The following GRK3 variants were observed in gnomAD, a reference collection of about 807,000 sequenced individuals.
GRK3 encodes G protein-coupled receptor kinase 3.
Under a neutral mutation model 95.7 loss-of-function variants are expected in GRK3, and 54 were observed. The ratio of observed to expected loss-of-function variants is 0.56; its 90% confidence interval spans 0.45 to 0.71. The LOEUF is 0.71. Among genes scored for constraint, GRK3 ranks in the 30% least tolerant of loss-of-function variants. The pLI is 0.00. For synonymous variants in GRK3, 281 were observed against 290.8 expected (o/e 0.97, Z 0.34); for missense variants, 649 against 851.2 (o/e 0.76, Z 2.96).
intron 1 of GRK3, among the ~76,000 whole-genome samples, chr22:25,571,646 G>A (rs1471458235): frequency 6.6e-6 from 1 of 152,174 alleles, no homozygotes. Flanking sequence ...TGCAAGTGCT[G>A]TGGTGCCATG....
intron 1 of GRK3, among the ~76,000 whole-genome samples, chr22:25,603,306 G>T (rs891400156): frequency 1.3e-5 from 2 of 151,810 alleles, no homozygotes; most frequent in Admixed American, 6.6e-5. Flanking sequence ...CTAAATTATT[G>T]TTCACTCCCA....
chr22:25,688,735 A>G (rs1006960506), intron 11 of GRK3, among the ~76,000 whole-genome samples: 18 of 152,224 alleles, frequency 1.2e-4, no homozygotes, highest in African/African-American at 4.3e-4. Context: ...AGGAGGTAGA[A>G]GCTGGCTCAG....
intron 12 of GRK3, among the ~76,000 whole-genome samples, chr22:25,693,904 G>T (rs1242776382): frequency 6.8e-6 from 1 of 147,522 alleles, no homozygotes; most frequent in Non-Finnish European, 1.5e-5. Flanking sequence ...TGATTCTCCT[G>T]CCTCAGCCTC....
At chr22:25,654,948 G>A (rs1377481725) in intron 3 of GRK3, among the ~76,000 whole-genome samples, 1 of 152,102 alleles carries the variant, frequency 6.6e-6, no homozygotes, top group African/African-American at 2.4e-5. Flanking sequence ...AACCTGCTCT[G>A]TATTCTTTGG....
chr22:25,630,410 CAGTT>C (rs1052140086), intron 2 of GRK3, among the ~76,000 whole-genome samples: 3 of 152,040 alleles, frequency 2.0e-5, no homozygotes, highest in Admixed American at 6.6e-5. Context: ...TTTTAACTGT[CAGTT>C]TGTTTACTGT....
intron 1 of GRK3, among the ~76,000 whole-genome samples, chr22:25,568,248 A>G (rs1931562575): frequency 6.6e-6 from 1 of 152,214 alleles, no homozygotes; most frequent in Admixed American, 6.5e-5. Context: ...ACAAAGGGTC[A>G]TCATCTTAAG....
Position 25,693,771 on chromosome 22 carries a change from A to T in GRK3, c.1053-1336A>T, listed in dbSNP as rs1479143096. On this transcript the variant is annotated intron_variant, in intron 12 of 20. Coordinates refer to ENST00000324198, the MANE Select transcript of GRK3 (RefSeq NM_005160.4). ...GTTGCTGAGCATAAGCAAGTTAAAA[A>T]TTCTTTTTTTTTTTTTTTTTTTTTT... 4.5e-4 allele frequency among the ~76,000 whole-genome samples: 61 copies of T among 135,928 alleles called. 1 individual carries two copies. Among genetic ancestry groups the T allele is most frequent in the Admixed American group, 3.9e-3 (55 of 13,992 alleles). The allele number at this position is 135,928 out of a possible 152,430, so 89.2% of individuals were successfully genotyped here. A position where few individuals can be genotyped will look rare whatever the true frequency, so the allele number is the denominator to read the frequency against.
intron 10 of GRK3, among the ~76,000 whole-genome samples, chr22:25,686,417 G>C (rs886686390): frequency 6.6e-6 from 1 of 152,112 alleles, no homozygotes; most frequent in African/African-American, 2.4e-5. Context: ...GTGGGGCTTG[G>C]GGGTAAGGTC....
intron 1 of GRK3, among the ~76,000 whole-genome samples, chr22:25,579,941 T>G (rs1932042957): frequency 6.6e-6 from 1 of 152,190 alleles, no homozygotes; most frequent in African/African-American, 2.4e-5. Flanking sequence ...GATGGAGAGA[T>G]CAGACTATCA....
chr22:25,676,318 T>C (rs948965865), intron 8 of GRK3, among the ~76,000 whole-genome samples: 1 of 152,250 alleles, frequency 6.6e-6, no homozygotes, highest in Non-Finnish European at 1.5e-5. Flanking sequence ...ACTTGTTGCT[T>C]GGCACCGTTC....
At chr22:25,678,718 C>A (rs1185492219) in intron 8 of GRK3, 98 bp from the exon 9 acceptor site, 4 of 613,896 alleles carry the variant, frequency 6.5e-6, no homozygotes, top group Admixed American at 6.4e-5. Context: ...TTAAACATGG[C>A]CTAAATGTTC....
chr22:25,580,679 G>A (rs112100212), intron 1 of GRK3: 4,510 of 152,210 alleles, frequency 0.03, 119 homozygotes, highest in Middle Eastern at 0.068. Flanking sequence ...GATTACAGGC[G>A]ACTGCCACCA....
chr22:25,569,718 C>T (rs1481787156), intron 1 of GRK3, among the ~76,000 whole-genome samples: 1 of 152,166 alleles, frequency 6.6e-6, no homozygotes, highest in East Asian at 1.9e-4. Context: ...CCCTAGGGTC[C>T]CTGGAGCCCT....
In GRK3 at chr22:25,565,023, C is replaced by T; in HGVS notation, c.-18C>T. 7.2e-7 allele frequency: 1 copy of T among 1,396,384 alleles called. No individual in the cohort carries two copies. The highest frequency in any genetic ancestry group is 9.5e-7 in the Non-Finnish European group (1 of 1,047,974). The allele number at this position is 1,396,384 out of a possible 1,614,324, so 86.5% of individuals were successfully genotyped here. ...AGGTCCGGAGTAACCGCCGCCGCCG[C>T]CGCCAAAGCTCGCCAACATGGCGGA... On this transcript the variant is annotated 5_prime_UTR_variant, in exon 1 of 21. Transcript: ENST00000324198.
chr22:25,686,822 G>A (rs2085118392), intron 10 of GRK3, among the ~76,000 whole-genome samples: 1 of 152,156 alleles, frequency 6.6e-6, no homozygotes, highest in Non-Finnish European at 1.5e-5. Flanking sequence ...TGTATGATCA[G>A]TTTGTTGTTG....
chr22:25,669,978 A>G (rs1359203137), intron 6 of GRK3, among the ~76,000 whole-genome samples: 1 of 152,244 alleles, frequency 6.6e-6, no homozygotes, highest in Non-Finnish European at 1.5e-5. Context: ...TGCATGCACC[A>G]TACTTTTAAA....
chr22:25,696,644 G>A (rs1429744611), intron 13 of GRK3, among the ~76,000 whole-genome samples: 3 of 151,996 alleles, frequency 2.0e-5, no homozygotes, highest in East Asian at 3.9e-4. Context: ...CCTTTCCATC[G>A]GAGAGCCTAA....
intron 6 of GRK3, 85 bp from the exon 7 acceptor site, chr22:25,672,211 C>T (rs570592605): frequency 2.9e-4 from 190 of 652,764 alleles, no homozygotes; most frequent in African/African-American, 1.8e-3. Flanking sequence ...CAAGTAATGC[C>T]GTTCTAGTCT....
chr22:25,632,802 G>A (rs563729309), intron 2 of GRK3, among the ~76,000 whole-genome samples: 1 of 152,286 alleles, frequency 6.6e-6, no homozygotes, highest in Non-Finnish European at 1.5e-5. Context: ...AATTGATTAT[G>A]TATATGTAGA....
Sources: gnomAD v4.1 joint callset for allele counts (sites outside exome capture counted in the v4.1 genomes callset) on GRCh38, gnomAD v4.1.1 for gene constraint, MANE v1.5 for transcripts, NCBI Gene and HGNC (gene_info 2026-07-23, HGNC 2026-07-21) for gene names.